Variants in AGT observed in about 807,000 individuals in gnomAD.
AGT encodes the protein angiotensinogen, also known as alpha-1 antiproteinase, antitrypsin.
In AGT, 26 loss-of-function variants were observed where a neutral mutation model predicts 28.1. That is an observed-to-expected ratio of 0.92 (90% CI 0.68 to 1.28). AGT has a LOEUF of 1.28. Ranked by LOEUF, AGT falls within the 50% of genes most tolerant of loss-of-function variation. The pLI is 0.00. For missense variants in AGT, 596 were observed against 592.3 expected (o/e 1.01, Z -0.06); for synonymous variants, 259 against 259.6 (o/e 1.00, Z 0.02).
chr1:230,734,904 C>T (rs935756499), intron 1 of AGT, among the ~76,000 whole-genome samples: 12 of 151,982 alleles, frequency 7.9e-5, no homozygotes, highest in Admixed American at 5.2e-4. Flanking sequence ...TTAGTAGAGA[C>T]AGGGTTTCAC....
chr1:230,713,034 A>G (rs892302023), intron 1 of AGT, among the ~76,000 whole-genome samples: 4 of 151,802 alleles, frequency 2.6e-5, no homozygotes, highest in African/African-American at 4.8e-5. Flanking sequence ...CATAGTCCTC[A>G]CCTTCCCTGA....
In AGT at chr1:230,703,344, ACAT is replaced by A. The variant is rs772226813; in HGVS notation, c.1243-18_1243-16del. The A allele has an allele frequency of 1.2e-6, 2 of 1,614,116 alleles. No homozygotes were observed. Among genetic ancestry groups the A allele is most frequent in the East Asian group, 2.2e-5 (1 of 44,886 alleles). Reference sequence around the variant, plus strand: ...CTGTTCAGCACCTGCAAAGCAGCAGACATCAGGATCATTCTGAGGGCGCACTGG... The same window carrying A: ...CTGTTCAGCACCTGCAAAGCAGCAGACAGGATCATTCTGAGGGCGCACTGG... On this transcript the variant is annotated splice_polypyrimidine_tract_variant and intron_variant, in intron 4 of 4. Transcript: ENST00000366667.
upstream of AGT, among the ~76,000 whole-genome samples, chr1:230,719,379 A>ATTTTTT (rs1260529638): frequency 7.5e-6 from 1 of 133,362 alleles, no homozygotes; most frequent in South Asian, 2.5e-4. Flanking sequence ...ATTTCTTTCT[A>ATTTTTT]TTTTTTATTA....
At chr1:230,724,435 G>T (rs1253557139) in intron 1 of AGT, among the ~76,000 whole-genome samples, 1 of 152,126 alleles carries the variant, frequency 6.6e-6, no homozygotes, top group Non-Finnish European at 1.5e-5. Flanking sequence ...TGAATATAAT[G>T]ACACCAAAAT....
At chr1:230,741,957 G>A (rs1664255242) in intron 1 of AGT, among the ~76,000 whole-genome samples, 1 of 152,198 alleles carries the variant, frequency 6.6e-6, no homozygotes, top group Admixed American at 6.5e-5. Flanking sequence ...TGGGGAGGCT[G>A]AGGTAGGAGG....
intron 1 of AGT, among the ~76,000 whole-genome samples, chr1:230,728,483 G>A (rs541004311): frequency 1.3e-5 from 2 of 152,134 alleles, no homozygotes; most frequent in Admixed American, 6.6e-5. Context: ...AGGTTAAAAG[G>A]CAAGAAGGAG....
At chr1:230,741,771 C>CA (rs1234206794) in intron 1 of AGT, among the ~76,000 whole-genome samples, 25 of 152,258 alleles carry the variant, frequency 1.6e-4, no homozygotes, top group African/African-American at 5.5e-4. Context: ...GCCCTCAGGA[C>CA]AGATAAGCTC....
intron 1 of AGT, among the ~76,000 whole-genome samples, chr1:230,722,627 C>T (rs892183571): frequency 5.9e-5 from 9 of 152,248 alleles, no homozygotes; most frequent in Non-Finnish European, 1.3e-4. Context: ...GGATGTGAGA[C>T]ATGGAGTCAA....
intron 1 of AGT, among the ~76,000 whole-genome samples, chr1:230,728,933 C>T (rs1277531388): frequency 5.3e-5 from 8 of 152,208 alleles, no homozygotes; most frequent in Non-Finnish European, 1.2e-4. Flanking sequence ...GGAGCAGAGC[C>T]TGCCAGGCAG....
intron 2 of AGT, 97 bp from the exon 3 acceptor site, chr1:230,706,297 C>T: frequency 4.2e-6 from 6 of 1,413,184 alleles, no homozygotes; most frequent in Non-Finnish European, 5.8e-6. Flanking sequence ...CTGCCCCTCG[C>T]CCTGCCTCAG....
intron 3 of AGT, among the ~76,000 whole-genome samples, chr1:230,704,946 G>A (rs1260431369): frequency 6.6e-5 from 10 of 152,224 alleles, no homozygotes; most frequent in South Asian, 2.1e-4. Context: ...AGCAACCCAC[G>A]TGTCCATCGA....
intron 1 of AGT, among the ~76,000 whole-genome samples, chr1:230,742,611 G>A (rs1048147132): frequency 6.6e-5 from 10 of 151,998 alleles, no homozygotes; most frequent in East Asian, 5.8e-4. Flanking sequence ...CACTGCACCC[G>A]GCCACTTTGA....
At position 230,703,223 on chromosome 1, in the gene AGT, GGGCGGTTCAGGGTCACCTCCAA is replaced by G; in HGVS notation, c.1327_1348del (p.Leu443HisfsTer24). 6.2e-7 allele frequency: 1 copy of G among 1,614,200 alleles called. No individual in the cohort carries two copies. The highest frequency in any genetic ancestry group is 8.5e-7 in the Non-Finnish European group (1 of 1,180,042). ...TTGATCATACACAGCAAACAGGAAT[GGGCGGTTCAGGGTCACCTCCAA>G]GACCTCAGGCTTGTTAAGCTGTTGG... is the stretch of plus-strand genomic sequence containing the variant. On this transcript the variant is annotated frameshift_variant, in exon 5 of 5. Transcript: ENST00000366667. LOFTEE classifies it low-confidence loss of function (END_TRUNC).
chr1:230,736,971 T>C (rs1346204488), intron 1 of AGT, among the ~76,000 whole-genome samples: 1 of 152,124 alleles, frequency 6.6e-6, no homozygotes, highest in East Asian at 1.9e-4. Flanking sequence ...GAGAGGCAGG[T>C]ACCCACTAAG....
intron 1 of AGT, among the ~76,000 whole-genome samples, chr1:230,741,558 A>C (rs1283476935): frequency 6.6e-6 from 1 of 152,250 alleles, no homozygotes; most frequent in Non-Finnish European, 1.5e-5. Context: ...TTCCCACTGA[A>C]GAAAAGATTT....
chr1:230,703,446 G>T, intron 4 of AGT, 117 bp from the exon 5 acceptor site: 1 of 1,093,238 alleles, frequency 9.1e-7, no homozygotes, highest in Non-Finnish European at 1.4e-6. Flanking sequence ...TCCTGGAGGG[G>T]GACATTTTCC....
At chr1:230,736,678 T>C (rs1664163041) in intron 1 of AGT, among the ~76,000 whole-genome samples, 1 of 152,184 alleles carries the variant, frequency 6.6e-6, no homozygotes, top group Non-Finnish European at 1.5e-5. Flanking sequence ...ACCTCAGCTT[T>C]CTTTTCCCCC....
intron 2 of AGT, among the ~76,000 whole-genome samples, chr1:230,709,536 G>A (rs1197863673): frequency 6.6e-6 from 1 of 151,976 alleles, no homozygotes; most frequent in Non-Finnish European, 1.5e-5. Context: ...GCTTATTTCT[G>A]CATGGGCCAG....
At chr1:230,704,076 G>A (rs1019617215) in intron 4 of AGT, 117 bp downstream of exon 4, 170 of 1,504,056 alleles carry the variant, frequency 1.1e-4, no homozygotes, top group Middle Eastern at 5.1e-4. Context: ...CCTACTCTCC[G>A]CTCCCTCTTG....
Sources: allele counts gnomAD v4.1 joint callset (sites outside exome capture counted in the v4.1 genomes callset), GRCh38; gene constraint gnomAD v4.1.1; transcripts MANE v1.5; gene names NCBI Gene and HGNC (gene_info 2026-07-23, HGNC 2026-07-21).